The following NCAM2 variants were observed in gnomAD, a reference collection of about 807,000 sequenced individuals.
NCAM2 encodes the protein neural cell adhesion molecule 2.
Under a neutral mutation model 98.1 loss-of-function variants are expected in NCAM2, and 30 were observed. The observed-to-expected ratio is 0.31, with a 90% confidence interval of 0.23 to 0.41. The LOEUF is 0.41. Ranked by LOEUF, NCAM2 falls within the 10% of genes least tolerant of loss-of-function variation. The pLI, the probability that NCAM2 is intolerant of heterozygous loss-of-function variation, is 1.00. For missense variants in NCAM2, 867 were observed against 1,005.8 expected, an observed-to-expected ratio of 0.86 and a Z score of 1.87; for synonymous variants, 368 against 342.4, an observed-to-expected ratio of 1.07 and a Z score of -0.83.
At chr21:21,063,687 A>C (rs2065371444) in intron 1 of NCAM2, among the ~76,000 whole-genome samples, 1 of 152,212 alleles carries the variant, frequency 6.6e-6, no homozygotes, top group Non-Finnish European at 1.5e-5. Context: ...CAAAACAAAA[A>C]TCAAAATCAT....
chr21:21,225,286 T>C (rs557238292), intron 1 of NCAM2, among the ~76,000 whole-genome samples: 11 of 152,078 alleles, frequency 7.2e-5, no homozygotes, highest in East Asian at 5.8e-4. Flanking sequence ...TTAGGAAAGA[T>C]AGCTAATACA....
intron 1 of NCAM2, among the ~76,000 whole-genome samples, chr21:21,275,473 A>G (rs2072694763): frequency 6.6e-6 from 1 of 151,694 alleles, no homozygotes; most frequent in Non-Finnish European, 1.5e-5. Context: ...ATAAAAAAAG[A>G]AAAATAAAAA....
chr21:21,326,329 C>G (rs1481182170), intron 6 of NCAM2, among the ~76,000 whole-genome samples: 2 of 152,144 alleles, frequency 1.3e-5, no homozygotes, highest in Non-Finnish European at 2.9e-5. Context: ...TTAAGTTATG[C>G]AGATTCCTCA....
At chr21:21,234,550 T>G (rs1375306920) in intron 1 of NCAM2, among the ~76,000 whole-genome samples, 2 of 151,956 alleles carry the variant, frequency 1.3e-5, no homozygotes, top group Non-Finnish European at 2.9e-5. Context: ...CAAATAAACA[T>G]TTTCTGTGTT....
At chr21:21,382,446 A>T (rs751809931) in intron 9 of NCAM2, among the ~76,000 whole-genome samples, 74 of 151,384 alleles carry the variant, frequency 4.9e-4, no homozygotes, top group Non-Finnish European at 8.7e-4. Flanking sequence ...CTTCAAGTCA[A>T]CTGACTCTTT....
chr21:21,515,268 A>G (rs1988646404), intron 16 of NCAM2, among the ~76,000 whole-genome samples: 1 of 152,154 alleles, frequency 6.6e-6, no homozygotes, highest in Non-Finnish European at 1.5e-5. Context: ...GGTGTTCTGC[A>G]CGAGTCCAAA....
chr21:21,067,108 TTAA>T (rs1330911632), intron 1 of NCAM2, among the ~76,000 whole-genome samples: 9 of 151,494 alleles, frequency 5.9e-5, no homozygotes, highest in Non-Finnish European at 8.8e-5. Context: ...GCTAATATAC[TTAA>T]TGTTTAAAAA....
intron 5 of NCAM2, among the ~76,000 whole-genome samples, chr21:21,295,350 A>C (rs2073439476): frequency 6.6e-6 from 1 of 151,360 alleles, no homozygotes; most frequent in African/African-American, 2.4e-5. Context: ...ATTTTTTCTT[A>C]CCTCCCTCTG....
intron 1 of NCAM2, among the ~76,000 whole-genome samples, chr21:21,242,742 A>T (rs79282915): frequency 4.6e-5 from 7 of 152,196 alleles, no homozygotes; most frequent in Non-Finnish European, 8.8e-5. Context: ...GATGATGGAC[A>T]CTTAGTTTGT....
intron 14 of NCAM2, among the ~76,000 whole-genome samples, chr21:21,471,310 T>A (rs1984413294): frequency 6.6e-6 from 1 of 152,022 alleles, no homozygotes; most frequent in South Asian, 2.1e-4. Context: ...CCTGTCAACA[T>A]CATGCTCTGA....
chr21:21,343,965 C>T (rs1421142730), intron 8 of NCAM2, among the ~76,000 whole-genome samples: 1 of 152,090 alleles, frequency 6.6e-6, no homozygotes, highest in Non-Finnish European at 1.5e-5. Flanking sequence ...CCAGCCTGCA[C>T]AGCTTGTGGC....
chr21:21,114,586 G>A (rs1232176803), intron 1 of NCAM2, among the ~76,000 whole-genome samples: 1 of 152,114 alleles, frequency 6.6e-6, no homozygotes, highest in Non-Finnish European at 1.5e-5. Flanking sequence ...TAAAGAGCAT[G>A]GCAGAACAAA....
At chr21:21,410,508 A>C in intron 10 of NCAM2, 47 bp downstream of exon 10, 1 of 1,091,442 alleles carries the variant, frequency 9.2e-7, no homozygotes, top group Non-Finnish European at 1.3e-6. Context: ...TTTAACAACT[A>C]TCTACTATTT....
intron 1 of NCAM2, among the ~76,000 whole-genome samples, chr21:21,036,817 A>T (rs2064809040): frequency 6.6e-6 from 1 of 152,190 alleles, no homozygotes; most frequent in African/African-American, 2.4e-5. Context: ...GCCCTCAGAA[A>T]GAATAGATGG....
intron 8 of NCAM2, among the ~76,000 whole-genome samples, chr21:21,367,042 A>G (rs992618940): frequency 1.3e-5 from 2 of 151,988 alleles, no homozygotes; most frequent in Admixed American, 6.6e-5. Flanking sequence ...GGTGAATTCA[A>G]TTATGTGGCA....
intron 1 of NCAM2, among the ~76,000 whole-genome samples, chr21:21,095,049 C>A (rs188420668): frequency 2.8e-4 from 43 of 151,592 alleles, no homozygotes; most frequent in Non-Finnish European, 5.2e-4. Context: ...TAAATATTCC[C>A]AGAAGTGGTG....
chr21:21,233,728 A>G (rs1431880713), intron 1 of NCAM2, among the ~76,000 whole-genome samples: 1 of 151,760 alleles, frequency 6.6e-6, no homozygotes, highest in African/African-American at 2.4e-5. Flanking sequence ...TATGTCAGCA[A>G]TGTCTAAAAA....
At chr21:21,454,568 T>C (rs1003810801) in intron 12 of NCAM2, among the ~76,000 whole-genome samples, 5 of 152,022 alleles carry the variant, frequency 3.3e-5, no homozygotes, top group Non-Finnish European at 5.9e-5. Flanking sequence ...ATATTTTAAA[T>C]AACTTTCCTG....
chr21:21,204,032 T>G (rs1489068500), intron 1 of NCAM2, among the ~76,000 whole-genome samples: 3 of 152,172 alleles, frequency 2.0e-5, no homozygotes, highest in Admixed American at 2.0e-4. Context: ...ACACTGGAAG[T>G]TACTCATTCA....
Sources: gnomAD v4.1 joint callset for allele counts (sites outside exome capture counted in the v4.1 genomes callset) on GRCh38, gnomAD v4.1.1 for gene constraint, MANE v1.5 for transcripts, NCBI Gene and HGNC (gene_info 2026-07-23, HGNC 2026-07-21) for gene names.